MMRN2: variants seen among roughly 807,000 people sequenced by gnomAD.
MMRN2 encodes multimerin-2.
A neutral mutation model predicts 68.8 loss-of-function variants in MMRN2; 53 were observed. The ratio of observed to expected loss-of-function variants is 0.77; its 90% CI spans 0.62 to 0.97. The LOEUF (loss-of-function observed/expected upper bound fraction) is 0.97. MMRN2 is among the 50% of genes least tolerant of loss of function. MMRN2 has a pLI of 0.00. For missense variants in MMRN2, 1,266 were observed against 1,259.5 expected (o/e 1.01, Z -0.08); for synonymous variants, 564 against 551.6 (o/e 1.02, Z -0.32).
chr10:86,943,951 TC>T lies in MMRN2; in HGVS notation c.832del (p.Asp278ThrfsTer60). The T allele has an allele frequency of 6.2e-7, 1 of 1,614,166 alleles. No individual in the cohort carries two copies. Among genetic ancestry groups the T allele is most frequent in the East Asian group, 2.2e-5 (1 of 44,888 alleles). Reference protein sequence around the residue: ...ANRQAISRVQDSAVARADFQE... With the variant: ...ANRQAISRVQXSAVARADFQE... ...GAAGTCAGCCCTGGCCACGGCACTG[TC>T]CTGGACTCTGGAGATGGCCTGGCGG... On this transcript the variant is annotated frameshift_variant, in exon 6 of 7. Coordinates refer to ENST00000372027, the MANE Select transcript of MMRN2 (RefSeq NM_024756.3). LOFTEE classifies it high-confidence loss of function. The surrounding 1 kb of genome is among the most constrained non-coding windows in gnomAD (Gnocchi z 4.2).
Position 86,945,547 on chromosome 10 carries a change from C to G in MMRN2, c.293+14G>C. 6.3e-7 allele frequency: 1 copy of G among 1,579,016 alleles called. No individual in the cohort carries two copies. Among genetic ancestry groups the G allele is most frequent in the Non-Finnish European group, 8.6e-7 (1 of 1,161,704 alleles). The stretch of plus-strand genomic sequence containing the variant: ...CTCCAGGCCTGGGCAAATGGCCCAC[C>G]CTCCCCTACTCACATGACTTTGACT... On this transcript the variant is annotated intron_variant, in intron 2 of 6. Transcript: ENST00000372027.
chr10:86,943,002 G>A lies in MMRN2; in HGVS notation c.1782C>T (p.Ser594=). The A allele has an allele frequency of 1.4e-6, 2 of 1,420,886 alleles. No homozygotes were observed. The highest frequency in any genetic ancestry group is 3.2e-5 in the East Asian group (1 of 31,370). 88.0% of individuals were successfully genotyped at this position (1,420,886 alleles called of 1,614,324 possible). A position where few individuals can be genotyped will look rare whatever the true frequency, so the allele number is the denominator to read the frequency against. The change falls in exon 6 of 7, where the codon AGC becomes AGT. Residue 594 remains serine, a synonymous_variant. Transcript: ENST00000372027. This position sits in a 1 kb window ranked among gnomAD's most constrained non-coding sequence, Gnocchi z 4.2. ...EARHEVRQLH[S]AFAALLEDAL... is the part of the protein sequence containing the mutation. ...CGTCCTCCAGCAGGGCGGCGAAGGC[G>A]CTGTGCAGCTGGCGCACCTCGTGGC... is the stretch of plus-strand genomic sequence containing the variant.
rs966577770 is a variant in MMRN2 at position 86,942,260 on chromosome 10, C to T, written c.2467+57G>A. The T allele has an allele frequency of 1.0e-5, 16 of 1,526,108 alleles. No individual in the cohort carries two copies. The African/African-American group carries it at 2.1e-4, about 20-fold the overall frequency. 94.5% of individuals were successfully genotyped at this position (1,526,108 alleles called of 1,614,324 possible). ...GGCCCTCTTGGAGGCAGAAGAGCTG[C>T]CGGCAGCCGGCCCTGGCCTCCTAGG... On this transcript the variant is annotated intron_variant, in intron 6 of 6. Coordinates refer to ENST00000372027, the MANE Select transcript of MMRN2 (RefSeq NM_024756.3).
chr10:86,957,256 GATAGATACT>G (rs1188307395), intron 1 of MMRN2, 113 bp downstream of exon 1: 1 of 1,024,210 alleles, frequency 9.8e-7, no homozygotes, highest in Non-Finnish European at 1.5e-6. Flanking sequence ...ATGGCCCAGA[GATAGATACT>G]ATTAGCCCAT....
Position 86,943,909 on chromosome 10 carries a change from T to G in MMRN2, c.875A>C (p.Lys292Thr). The G allele has an allele frequency of 1.2e-6, 2 of 1,614,050 alleles. No homozygotes were observed. Among genetic ancestry groups the G allele is most frequent in the Non-Finnish European group, 1.7e-6 (2 of 1,180,014 alleles). Residue 292 changes from lysine to threonine, a missense_variant, in exon 6 of 7, where the codon AAA becomes ACA. Coordinates refer to ENST00000372027, the MANE Select transcript of MMRN2 (RefSeq NM_024756.3). The surrounding 1 kb of genome is among the most constrained non-coding windows in gnomAD (Gnocchi z 4.2). The part of the protein sequence containing the change: ...ARADFQELGA[K>T]FEAKVQENTQ... ...GTTCTCCTGGACCTTGGCCTCAAAT[T>G]TGGCACCAAGCTCCTGGAAGTCAGC...
chr10:86,952,291 G>C (rs969679306), intron 1 of MMRN2, among the ~76,000 whole-genome samples: 1 of 152,188 alleles, frequency 6.6e-6, no homozygotes, highest in Non-Finnish European at 1.5e-5. Flanking sequence ...CTGAAACAGA[G>C]AGCTGGGAAG....
At position 86,957,387 on chromosome 10, in the gene MMRN2, G is replaced by C. The variant is rs1844252702; in HGVS notation, c.155C>G (p.Pro52Arg). Residue 52 changes from proline (P) to arginine (R), a missense_variant, in exon 1 of 7, where the codon CCC becomes CGC. Pro to Arg is a moderately radical substitution (Grantham distance 103). Transcript: ENST00000372027. ...KAEAEDTGKD[P>R]VGRNWCPYPM... The stretch of plus-strand genomic sequence containing the variant: ...GTCCAGGCCCTCTTACCGTCCTACG[G>C]GGTCCTTGCCGGTGTCCTCAGCCTC... 7 of 1,613,172 alleles carry C rather than the reference G, an allele frequency of 4.3e-6. No homozygotes were observed. The highest frequency in any genetic ancestry group is 5.9e-6 in the Non-Finnish European group (7 of 1,179,882).
In MMRN2 at chr10:86,955,290, A is replaced by G. The variant is rs887297919; in HGVS notation, c.164+2088T>C. On this transcript the variant is annotated intron_variant, in intron 1 of 6. Coordinates refer to ENST00000372027, the MANE Select transcript of MMRN2 (RefSeq NM_024756.3). ...CCCACATTCTAGACATCCCCAAGCC[A>G]GGGCACAGAAACAGCCTCTTCCTCC... 3.3e-5 allele frequency among the ~76,000 whole-genome samples: 5 copies of G among 152,182 alleles called. No individual in the cohort carries two copies. The East Asian group carries it at 9.6e-4, about 29-fold the overall frequency.
rs777978589 is a variant in MMRN2, at chr10:86,936,739, GGGTT to G, written c.2850_*3del. 2 of 1,613,562 alleles carry G rather than the reference GGGTT, an allele frequency of 1.2e-6. No homozygotes were observed. Among genetic ancestry groups the G allele is most frequent in the South Asian group, 2.2e-5 (2 of 91,056 alleles). ...ATGATGTCTGATCAGATTGGGGCTG[GGGTT>G]CAGGTCTTAAACATCAGGAAGCCCC... On this transcript the variant is annotated stop_lost and 3_prime_UTR_variant, in exon 7 of 7. Transcript: ENST00000372027.
chr10:86,953,644 G>A (rs552017323), intron 1 of MMRN2, among the ~76,000 whole-genome samples: 2 of 152,266 alleles, frequency 1.3e-5, no homozygotes, highest in Admixed American at 1.3e-4. Context: ...CAAAGATGCT[G>A]CCAAATACCC....
intron 6 of MMRN2, 104 bp downstream of exon 6, chr10:86,942,213 C>T: frequency 2.2e-6 from 3 of 1,361,960 alleles, no homozygotes; most frequent in Non-Finnish European, 2.9e-6. Flanking sequence ...TGACGGATGG[C>T]CATCCTGTTC....
At position 86,936,920 on chromosome 10, in the gene MMRN2, A is replaced by T; in HGVS notation, c.2673T>A (p.Gly891=). The T allele has an allele frequency of 1.2e-6, 2 of 1,614,122 alleles. No homozygotes were observed. Among genetic ancestry groups the T allele is most frequent in the Non-Finnish European group, 8.5e-7 (1 of 1,180,002 alleles). Residue 891 remains glycine (G), a synonymous_variant, in exon 7 of 7, where the codon GGT becomes GGA. Transcript: ENST00000372027. ...GPGTGQLVFG[G]HHRTPVCTTG... Reference sequence around the variant, plus strand: ...TGGTACAGACTGGAGTCCGATGGTGACCTCCAAACACCAGCTGCCCGGTGC... The same window carrying T: ...TGGTACAGACTGGAGTCCGATGGTGTCCTCCAAACACCAGCTGCCCGGTGC...
Position 86,942,975 on chromosome 10 carries a change from C to T in MMRN2, c.1809G>A (p.Ala603=). 2 of 1,486,252 alleles carry T rather than the reference C, an allele frequency of 1.3e-6. No homozygotes were observed. Among genetic ancestry groups the T allele is most frequent in the East Asian group, 2.9e-5 (1 of 34,448 alleles). The allele number at this position is 1,486,252 out of a possible 1,614,324, so 92.1% of individuals were successfully genotyped here. Residue 603 remains alanine, a synonymous_variant, in exon 6 of 7, where the codon GCG becomes GCA. Transcript: ENST00000372027. ...HSAFAALLED[A]LRHEAVLAAL... ...CGGCCAGCACCGCCTCGTGCCGCAG[C>T]GCGTCCTCCAGCAGGGCGGCGAAGG...
At chr10:86,944,212 C>T in intron 5 of MMRN2, 50 bp downstream of exon 5, 1 of 1,591,404 alleles carries the variant, frequency 6.3e-7, no homozygotes, top group Non-Finnish European at 8.6e-7. Context: ...CTCCCCTCCT[C>T]CCCTCAATGT....
chr10:86,943,006 T>C lies in MMRN2; in HGVS notation c.1778A>G (p.His593Arg). Residue 593 changes from histidine (H) to arginine (R), a missense_variant, in exon 6 of 7, where the codon CAC becomes CGC. Physicochemically the swap from His to Arg is conservative, Grantham distance 29. Transcript: ENST00000372027. The surrounding 1 kb of genome is among the most constrained non-coding windows in gnomAD (Gnocchi z 4.2). Reference protein sequence around the residue: ...AEARHEVRQLHSAFAALLEDA... With the variant: ...AEARHEVRQLRSAFAALLEDA... ...CTCCAGCAGGGCGGCGAAGGCGCTG[T>C]GCAGCTGGCGCACCTCGTGGCGGGC... 1 of 1,417,254 alleles carries C rather than the reference T, an allele frequency of 7.1e-7. No homozygotes were observed. Among genetic ancestry groups the C allele is most frequent in the Non-Finnish European group, 9.2e-7 (1 of 1,085,446 alleles). The allele number at this position is 1,417,254 out of a possible 1,614,324, so 87.8% of individuals were successfully genotyped here. A position where few individuals can be genotyped will look rare whatever the true frequency, so the allele number is the denominator to read the frequency against.
chr10:86,948,224 CAAAA>C (rs57877767), intron 1 of MMRN2, among the ~76,000 whole-genome samples: 28 of 98,844 alleles, frequency 2.8e-4, no homozygotes, highest in East Asian at 3.5e-4. Context: ...AACCCTATCT[CAAAA>C]AAAAAAAAAA....
At chr10:86,938,083 C>T (rs748522167) in intron 6 of MMRN2, among the ~76,000 whole-genome samples, 2 of 152,098 alleles carry the variant, frequency 1.3e-5, no homozygotes, top group African/African-American at 2.4e-5. Context: ...TACAGGCATA[C>T]GCCATCATGC....
chr10:86,953,230 C>T (rs1447764320), intron 1 of MMRN2, among the ~76,000 whole-genome samples: 1 of 152,032 alleles, frequency 6.6e-6, no homozygotes, highest in Non-Finnish European at 1.5e-5. Flanking sequence ...GATGTACATC[C>T]TCAGCTTATG....
At chr10:86,956,726 G>A (rs1326554295) in intron 1 of MMRN2, among the ~76,000 whole-genome samples, 5 of 152,234 alleles carry the variant, frequency 3.3e-5, no homozygotes, top group African/African-American at 1.2e-4. Flanking sequence ...TGGGGGCCCC[G>A]TAAACAGCAC....
Sources: gnomAD v4.1 joint callset for allele counts (sites outside exome capture counted in the v4.1 genomes callset) on GRCh38, gnomAD v4.1.1 for gene constraint, Gnocchi (gnomAD v3.1) non-coding constraint, MANE v1.5 for transcripts, NCBI Gene and HGNC (gene_info 2026-07-23, HGNC 2026-07-21) for gene names.